EHBP1: variants seen among roughly 807,000 people sequenced by gnomAD.
The protein encoded by EHBP1 is EH domain-binding protein 1.
A neutral mutation model predicts 144.0 loss-of-function variants in EHBP1; 55 were observed. The observed-to-expected ratio is 0.38, with a 90% CI of 0.31 to 0.48. The LOEUF (loss-of-function observed/expected upper bound fraction) is 0.48, where lower values mean the gene tolerates loss of function less well. Among genes scored for constraint, EHBP1 ranks in the 20% least tolerant of loss-of-function variants. The pLI is 0.98. For synonymous variants in EHBP1, 469 were observed against 472.7 expected (o/e 0.99, Z 0.10); for missense variants, 1,200 against 1,364.2 (o/e 0.88, Z 1.90).
intron 10 of EHBP1, among the ~76,000 whole-genome samples, chr2:62,934,399 C>T (rs773819149): frequency 2.0e-5 from 3 of 152,076 alleles, no homozygotes; most frequent in Non-Finnish European, 4.4e-5. Flanking sequence ...AATTTTTGCC[C>T]CTTTTCCTAT....
At chr2:62,877,807 G>T (rs946329450) in intron 10 of EHBP1, among the ~76,000 whole-genome samples, 14 of 152,156 alleles carry the variant, frequency 9.2e-5, no homozygotes, top group African/African-American at 3.4e-4. Flanking sequence ...CAACATACCA[G>T]AATCTCTGGG....
chr2:62,898,308 G>C (rs945401003), intron 10 of EHBP1, among the ~76,000 whole-genome samples: 8 of 152,108 alleles, frequency 5.3e-5, no homozygotes, highest in African/African-American at 1.7e-4. Context: ...GAATTGTCAG[G>C]CACAGTTATT....
At chr2:62,906,718 C>T (rs1220542649) in intron 10 of EHBP1, among the ~76,000 whole-genome samples, 1 of 152,156 alleles carries the variant, frequency 6.6e-6, no homozygotes, top group Non-Finnish European at 1.5e-5. Context: ...ATATTGACAT[C>T]GTTACAGTCC....
At position 62,924,831 on chromosome 2, in the gene EHBP1, A is replaced by G. The variant is rs574434491; in HGVS notation, c.1186-17887A>G. ...ACTCCAAAGAATGGAAGCAAAGGGA[A>G]TCCTTTCCAATTCTTTCTATGAGGC... is the stretch of plus-strand genomic sequence containing the variant. On this transcript the variant is annotated intron_variant, in intron 10 of 22. Transcript: ENST00000431489. 5.9e-5 allele frequency among the ~76,000 whole-genome samples: 9 copies of G among 152,354 alleles called. No homozygotes were observed. In the South Asian group the frequency reaches 1.7e-3, roughly 28 times the overall value.
chr2:62,688,459 C>T (rs2033791834), intron 1 of EHBP1, among the ~76,000 whole-genome samples: 1 of 152,084 alleles, frequency 6.6e-6, no homozygotes, highest in African/African-American at 2.4e-5. Context: ...TTATCTCAAA[C>T]ATTTATCATT....
intron 10 of EHBP1, among the ~76,000 whole-genome samples, chr2:62,921,599 A>G (rs1173046801): frequency 1.3e-5 from 2 of 152,234 alleles, no homozygotes; most frequent in Admixed American, 6.5e-5. Context: ...ATGAAGGACA[A>G]AAAAGACTAT....
chr2:63,039,040 T>C (rs1202830673), intron 21 of EHBP1, among the ~76,000 whole-genome samples: 1 of 152,236 alleles, frequency 6.6e-6, no homozygotes, highest in Non-Finnish European at 1.5e-5. Context: ...AAAATTGTCT[T>C]AACTTTTGAT....
At chr2:62,730,892 A>G (rs1489996680) in intron 2 of EHBP1, among the ~76,000 whole-genome samples, 3 of 101,200 alleles carry the variant, frequency 3.0e-5, no homozygotes, top group Non-Finnish European at 6.5e-5. Flanking sequence ...AGAGTAAGAC[A>G]GAAGACAGAC....
intron 3 of EHBP1, among the ~76,000 whole-genome samples, chr2:62,757,844 T>A (rs2040436879): frequency 6.6e-6 from 1 of 152,068 alleles, no homozygotes; most frequent in Non-Finnish European, 1.5e-5. Flanking sequence ...CCCAGATAGG[T>A]CAGTTCATTA....
intron 5 of EHBP1, among the ~76,000 whole-genome samples, chr2:62,800,082 T>C (rs1012553505): frequency 4.6e-5 from 7 of 152,242 alleles, no homozygotes; most frequent in East Asian, 1.9e-4. Context: ...ATGCCAGTCA[T>C]GTCCAGCCCA....
At chr2:62,996,995 T>C (rs2059657604) in intron 19 of EHBP1, among the ~76,000 whole-genome samples, 1 of 152,044 alleles carries the variant, frequency 6.6e-6, no homozygotes, top group African/African-American at 2.4e-5. Flanking sequence ...TTGAACAGTG[T>C]GCTCATCCAT....
In EHBP1 at chr2:62,973,711, G is replaced by A. The variant is rs535595949; in HGVS notation, c.2461-5477G>A. Among the ~76,000 whole-genome samples the A allele has an allele frequency of 3.3e-5, 5 of 152,256 alleles. No individual in the cohort carries two copies. The South Asian group carries it at 1.0e-3, about 32-fold the overall frequency. The stretch of plus-strand genomic sequence containing the variant: ...CATATTTTTTAAGTTTAGAAACACT[G>A]ATAGTGGTCCAGATGTGGTGGCTCA... On this transcript the variant is annotated intron_variant, in intron 14 of 22. Coordinates refer to ENST00000431489, the MANE Select transcript of EHBP1 (RefSeq NM_001142616.3).
chr2:62,873,116 A>G (rs886839599), intron 9 of EHBP1, among the ~76,000 whole-genome samples: 2 of 152,166 alleles, frequency 1.3e-5, no homozygotes, highest in Non-Finnish European at 2.9e-5. Context: ...CTACACAGGA[A>G]TTCCTCAGGT....
chr2:62,805,576 G>A (rs190987368), intron 5 of EHBP1, among the ~76,000 whole-genome samples: 117 of 151,308 alleles, frequency 7.7e-4, no homozygotes, highest in Non-Finnish European at 1.4e-3. Flanking sequence ...GTATAGTGGC[G>A]CAGTCTTGGC....
intron 5 of EHBP1, among the ~76,000 whole-genome samples, chr2:62,809,431 G>T (rs1465913060): frequency 6.6e-6 from 1 of 152,104 alleles, no homozygotes; most frequent in Non-Finnish European, 1.5e-5. Context: ...CAAGCTCTTG[G>T]AAGTAAAACT....
chr2:62,802,606 A>T (rs2044087252), intron 5 of EHBP1, among the ~76,000 whole-genome samples: 1 of 152,240 alleles, frequency 6.6e-6, no homozygotes, highest in African/African-American at 2.4e-5. Flanking sequence ...TAAAGTAACA[A>T]AATGAAAGTT....
At chr2:62,950,781 G>C (rs1045532302) in intron 13 of EHBP1, among the ~76,000 whole-genome samples, 1 of 152,086 alleles carries the variant, frequency 6.6e-6, no homozygotes, top group Non-Finnish European at 1.5e-5. Context: ...TGCCTCCCAG[G>C]TTCAAGCAAT....
chr2:62,896,678 CT>C (rs1050677724), intron 10 of EHBP1, among the ~76,000 whole-genome samples: 1 of 146,706 alleles, frequency 6.8e-6, no homozygotes, highest in Non-Finnish European at 1.5e-5. Context: ...TATAGCCCAT[CT>C]TTAAAAAAAA....
intron 10 of EHBP1, among the ~76,000 whole-genome samples, chr2:62,935,596 CTG>C (rs1037973695): frequency 4.6e-5 from 7 of 151,970 alleles, no homozygotes; most frequent in South Asian, 2.1e-4. Flanking sequence ...TTCTAATAAA[CTG>C]TAACTTCTTG....
Sources: allele counts gnomAD v4.1 joint callset (sites outside exome capture counted in the v4.1 genomes callset), GRCh38; gene constraint gnomAD v4.1.1; transcripts MANE v1.5; gene names NCBI Gene and HGNC (gene_info 2026-07-23, HGNC 2026-07-21).